The following NRXN1 variants were observed in gnomAD, a reference collection of about 807,000 sequenced individuals.
NRXN1 encodes the protein neurexin-1.
A neutral mutation model predicts 150.9 loss-of-function variants in NRXN1; 39 were observed. That is an observed-to-expected ratio of 0.26 (90% CI 0.20 to 0.34). NRXN1 has a LOEUF of 0.34. Ranked by LOEUF, NRXN1 falls within the 10% of genes least tolerant of loss-of-function variation. The pLI, the probability that NRXN1 is intolerant of heterozygous loss-of-function variation, is 1.00. For missense variants in NRXN1, 1,815 were observed against 1,949.9 expected (o/e 0.93, Z 1.30); for synonymous variants, 924 against 757.0 (o/e 1.22, Z -3.62).
At chr2:50,626,043 G>GA (rs1490778413) in intron 5 of NRXN1, among the ~76,000 whole-genome samples, 1 of 151,938 alleles carries the variant, frequency 6.6e-6, no homozygotes, top group Non-Finnish European at 1.5e-5. Flanking sequence ...AGGAAGACAA[G>GA]AAAAGTATAT....
At chr2:49,953,746 A>T (rs1218096722) in intron 21 of NRXN1, among the ~76,000 whole-genome samples, 1 of 152,010 alleles carries the variant, frequency 6.6e-6, no homozygotes, top group Non-Finnish European at 1.5e-5. Flanking sequence ...CATATGTGTG[A>T]AGACATTTTG....
intron 2 of NRXN1, among the ~76,000 whole-genome samples, chr2:50,938,877 A>T (rs893354318): frequency 1.8e-4 from 27 of 152,176 alleles, no homozygotes; most frequent in African/African-American, 5.5e-4. Flanking sequence ...CAGGCTTAGC[A>T]GTATATTTAT....
At chr2:50,705,017 A>G (rs1408610130) in intron 5 of NRXN1, among the ~76,000 whole-genome samples, 1 of 149,366 alleles carries the variant, frequency 6.7e-6, no homozygotes, top group Admixed American at 6.8e-5. Flanking sequence ...TACGAATAAA[A>G]CATTTGTTTA....
chr2:50,943,625 C>T (rs1689847713), intron 2 of NRXN1, among the ~76,000 whole-genome samples: 1 of 152,122 alleles, frequency 6.6e-6, no homozygotes, highest in Non-Finnish European at 1.5e-5. Flanking sequence ...TGGGAAATAT[C>T]CCACAGGCCT....
chr2:50,089,186 T>G lies in NRXN1; in HGVS notation c.3718+2137A>C, dbSNP rs186653926. On this transcript the variant is annotated intron_variant, in intron 19 of 22. Transcript: ENST00000401669. ...AAGATACCAGTTTGGAAATTGCTGA[T>G]TAAGTGTTAAAAGTTACTAAATAAA... Among the ~76,000 whole-genome samples the G allele has an allele frequency of 3.4e-4, 52 of 152,344 alleles. No homozygotes were observed. In the East Asian group the frequency reaches 9.3e-3, roughly 27 times the overall value.
At chr2:50,969,718 T>A (rs576655053) in intron 2 of NRXN1, among the ~76,000 whole-genome samples, 1 of 152,168 alleles carries the variant, frequency 6.6e-6, no homozygotes, top group Admixed American at 6.6e-5. Context: ...TCTATGACTA[T>A]ATCTAGATCA....
intron 21 of NRXN1, among the ~76,000 whole-genome samples, chr2:49,950,136 A>G (rs541167666): frequency 2.5e-4 from 38 of 152,054 alleles, no homozygotes; most frequent in African/African-American, 9.1e-4. Flanking sequence ...ACTGCAGAAA[A>G]TAATCCACTT....
At chr2:50,916,177 G>A (rs528937949) in intron 5 of NRXN1, among the ~76,000 whole-genome samples, 22 of 150,366 alleles carry the variant, frequency 1.5e-4, no homozygotes, top group Non-Finnish European at 3.0e-4. Context: ...TCTCCTTAAG[G>A]TTGGCTATTC....
At chr2:50,788,907 A>G (rs1340308363) in intron 5 of NRXN1, among the ~76,000 whole-genome samples, 11 of 152,200 alleles carry the variant, frequency 7.2e-5, no homozygotes, top group East Asian at 1.9e-4. Context: ...AGGTTTCTCA[A>G]TAAAGGTGCT....
intron 5 of NRXN1, among the ~76,000 whole-genome samples, chr2:50,771,834 G>A (rs942176254): frequency 1.4e-4 from 21 of 152,212 alleles, no homozygotes; most frequent in African/African-American, 5.1e-4. Context: ...CACCTGCTAT[G>A]TCCTAACCAC....
At chr2:50,672,272 A>T (rs1688963633) in intron 5 of NRXN1, among the ~76,000 whole-genome samples, 1 of 151,922 alleles carries the variant, frequency 6.6e-6, no homozygotes. Context: ...TAAAAAAAAA[A>T]AGCCACAAAT....
At chr2:50,653,857 T>A (rs898936143) in intron 5 of NRXN1, among the ~76,000 whole-genome samples, 1 of 151,904 alleles carries the variant, frequency 6.6e-6, no homozygotes, top group South Asian at 2.1e-4. Context: ...GTGATCATCT[T>A]CTCTGCCTGC....
At chr2:50,680,532 TAA>T in intron 5 of NRXN1, among the ~76,000 whole-genome samples, 1 of 152,018 alleles carries the variant, frequency 6.6e-6, no homozygotes, top group East Asian at 1.9e-4. Flanking sequence ...AACATATGAA[TAA>T]AAAAAATGTC....
intron 8 of NRXN1, among the ~76,000 whole-genome samples, chr2:50,605,884 C>A (rs1348065937): frequency 6.6e-6 from 1 of 152,090 alleles, no homozygotes; most frequent in African/African-American, 2.4e-5. Flanking sequence ...CCAGGATGAG[C>A]ACACAACCTA....
At chr2:49,997,089 A>T (rs967493915) in intron 21 of NRXN1, among the ~76,000 whole-genome samples, 40 of 152,330 alleles carry the variant, frequency 2.6e-4, no homozygotes, top group African/African-American at 8.7e-4. Flanking sequence ...AGAGAAAAAT[A>T]TTTAAAAGCA....
chr2:50,627,967 A>C (rs976126535), intron 5 of NRXN1, among the ~76,000 whole-genome samples: 4 of 151,904 alleles, frequency 2.6e-5, no homozygotes, highest in African/African-American at 4.8e-5. Flanking sequence ...TCTTAGTAAG[A>C]AAATAATAAC....
chr2:50,120,255 A>G (rs1703680444), intron 18 of NRXN1, among the ~76,000 whole-genome samples: 1 of 148,630 alleles, frequency 6.7e-6, no homozygotes, highest in East Asian at 2.0e-4. Context: ...TACTATATAC[A>G]CCTTTATAAA....
At chr2:50,719,793 G>A (rs1180673415) in intron 5 of NRXN1, among the ~76,000 whole-genome samples, 1 of 152,134 alleles carries the variant, frequency 6.6e-6, no homozygotes, top group Non-Finnish European at 1.5e-5. Context: ...CAATTTCTAG[G>A]TCTTTATCTC....
chr2:50,310,787 C>T (rs1158006159), intron 17 of NRXN1, among the ~76,000 whole-genome samples: 2 of 151,952 alleles, frequency 1.3e-5, no homozygotes, highest in African/African-American at 4.8e-5. Context: ...TATACTGATT[C>T]AACAGAGGAG....
Sources: allele counts gnomAD v4.1 joint callset (sites outside exome capture counted in the v4.1 genomes callset), GRCh38; gene constraint gnomAD v4.1.1; transcripts MANE v1.5; gene names NCBI Gene and HGNC (gene_info 2026-07-23, HGNC 2026-07-21).